The following ASPSCR1 variants were observed in gnomAD, a reference collection of about 807,000 sequenced individuals.
ASPSCR1 encodes tether containing UBX domain for GLUT4.
In ASPSCR1, 55 loss-of-function variants were observed where a neutral mutation model predicts 68.9. The ratio of observed to expected loss-of-function variants is 0.80; its 90% confidence interval spans 0.64 to 1.00. ASPSCR1 has a LOEUF of 1.00. Among genes scored for constraint, ASPSCR1 ranks in the 50% least tolerant of loss-of-function variants. The probability of loss-of-function intolerance (pLI) is 0.00; values close to 1 mark genes in which losing one functional copy is unlikely to be tolerated. For synonymous variants in ASPSCR1, 352 were observed against 332.6 expected (o/e 1.06, Z -0.63); for missense variants, 765 against 762.2 (o/e 1.00, Z -0.04).
intron 13 of ASPSCR1, 55 bp downstream of exon 13, chr17:82,016,582 C>T (rs559462459): frequency 1.9e-5 from 30 of 1,546,160 alleles, no homozygotes; most frequent in Admixed American, 3.9e-5. Context: ...GTCCCTGGAC[C>T]TCAGAGCCAG....
chr17:82,012,173 C>T lies in ASPSCR1; in HGVS notation c.1301-58C>T, dbSNP rs368905634. On this transcript the variant is annotated intron_variant, in intron 11 of 15. Coordinates refer to ENST00000306739, the MANE Select transcript of ASPSCR1 (RefSeq NM_024083.4). ...ATCTGCAGGCCTGTCTTCCTTCGGG[C>T]GCATGGATGGGCGAGGTCCACGGTG... is the stretch of plus-strand genomic sequence containing the variant. 1.0e-4 allele frequency: 163 copies of T among 1,562,686 alleles called. No homozygotes were observed. The African/African-American group carries it at 1.9e-3, about 18-fold the overall frequency.
intron 12 of ASPSCR1, chr17:82,015,093 G>C: frequency 6.3e-7 from 1 of 1,598,050 alleles, no homozygotes; most frequent in Non-Finnish European, 8.5e-7. Context: ...TGGTGACCGG[G>C]TGGCTCCATT....
rs2042452920 is a variant in ASPSCR1 at position 81,999,315 on chromosome 17, C to T, written c.933+2469C>T. On this transcript the variant is annotated intron_variant, in intron 7 of 15. Transcript: ENST00000306739. This position sits in a 1 kb window ranked among gnomAD's most constrained non-coding sequence, Gnocchi z 4.4. ...TGGAAGGCCCCCATGCCTCCATCTC[C>T]TGTGGACATTTAAAATATTTGTGTC... 6.6e-6 allele frequency among the ~76,000 whole-genome samples: 1 copy of T among 152,178 alleles called. No individual in the cohort carries two copies. The highest frequency in any genetic ancestry group is 1.5e-5 in the Non-Finnish European group (1 of 68,024).
At chr17:81,985,074 A>ACG (rs1491313707) in intron 3 of ASPSCR1, among the ~76,000 whole-genome samples, 1 of 134,246 alleles carries the variant, frequency 7.4e-6, no homozygotes, top group African/African-American at 2.9e-5. Flanking sequence ...ACACACCTGT[A>ACG]CACACACACC....
intron 7 of ASPSCR1, among the ~76,000 whole-genome samples, chr17:82,003,791 C>T (rs2042615108): frequency 6.6e-6 from 1 of 152,270 alleles, no homozygotes; most frequent in African/African-American, 2.4e-5. Flanking sequence ...GCCTCTCCTG[C>T]TGTGCACGTC....
At chr17:82,014,764 C>T (rs555649471) in intron 12 of ASPSCR1, 38 of 452,226 alleles carry the variant, frequency 8.4e-5, no homozygotes, top group Non-Finnish European at 1.4e-4. Flanking sequence ...TGACGTGGGC[C>T]TCCTTTCGGA....
chr17:81,985,730 C>A, intron 4 of ASPSCR1, 123 bp downstream of exon 4: 1 of 899,348 alleles, frequency 1.1e-6, no homozygotes, highest in Non-Finnish European at 1.7e-6. Context: ...CCTCTTGGCA[C>A]TTTGCAGTCC....
chr17:81,977,784 G>A lies in ASPSCR1; in HGVS notation c.102+36G>A. On this transcript the variant is annotated intron_variant, in intron 1 of 15. Coordinates refer to ENST00000306739, the MANE Select transcript of ASPSCR1 (RefSeq NM_024083.4). This position sits in a 1 kb window ranked among gnomAD's most constrained non-coding sequence, Gnocchi z 5.0. ...CCGCCCGGGGCGGACGGGTAGGCGG[G>A]CGGGGGGCGCTGCGCCGAGGCCCCG... The A allele has an allele frequency of 8.3e-7, 1 of 1,206,812 alleles. No individual in the cohort carries two copies. The highest frequency in any genetic ancestry group is 3.4e-5 in the East Asian group (1 of 29,582). The allele number at this position is 1,206,812 out of a possible 1,614,324, so 74.8% of individuals were successfully genotyped here.
At position 82,009,475 on chromosome 17, in the gene ASPSCR1, C is replaced by T. The variant is rs1040662689; in HGVS notation, c.1089-11C>T. 1.4e-5 allele frequency: 22 copies of T among 1,569,500 alleles called. No individual in the cohort carries two copies. Among genetic ancestry groups the T allele is most frequent in the East Asian group, 7.1e-5 (3 of 42,050 alleles). On this transcript the variant is annotated splice_polypyrimidine_tract_variant and intron_variant, in intron 8 of 15. Transcript: ENST00000306739. The stretch of plus-strand genomic sequence containing the variant: ...GACCAGAAGCCCTGTTCCTTCCCCT[C>T]CTCACCACAGGAAGCGCCTGGAAGA...
intron 11 of ASPSCR1, 113 bp from the exon 12 acceptor site, chr17:82,012,118 C>T (rs773629177): frequency 1.4e-5 from 17 of 1,258,722 alleles, no homozygotes; most frequent in Non-Finnish European, 1.9e-5. Flanking sequence ...TCGTGAGGGG[C>T]TCTTCTGCCC....
rs756986856 is a variant in ASPSCR1, at chr17:81,996,504, C to T, written c.591C>T (p.Ser197=). ...CGTCGGCTGGCCAGGCAGCCGCCAG[C>T]GCTCCACTTCCCTTGGAATCTGGGG... ...SSASAGQAAA[S]APLPLESGEL... is the part of the protein sequence containing the mutation. Residue 197 remains serine (S), a synonymous_variant, in exon 7 of 16, where the codon AGC becomes AGT. Transcript: ENST00000306739. The T allele has an allele frequency of 6.8e-6, 11 of 1,612,186 alleles. No homozygotes were observed. Among genetic ancestry groups the T allele is most frequent in the Admixed American group, 6.7e-5 (4 of 59,946 alleles).
intron 7 of ASPSCR1, chr17:82,004,736 T>A (rs1011761566): frequency 6.6e-6 from 1 of 152,344 alleles, no homozygotes; most frequent in Non-Finnish European, 1.5e-5. Flanking sequence ...GCATCACCCC[T>A]GTCCTCTGAG....
chr17:81,985,864 G>A (rs1280410095), intron 4 of ASPSCR1, among the ~76,000 whole-genome samples: 5 of 152,186 alleles, frequency 3.3e-5, no homozygotes, highest in Non-Finnish European at 7.3e-5. Context: ...TAGAAGAGCA[G>A]GAATGTGCTT....
Position 81,983,509 on chromosome 17 carries a change from G to GTCAGGCTCTGCAGGGCAGCAAGTGTGC in ASPSCR1, c.159-42_159-16dup, listed in dbSNP as rs1567954706. The GTCAGGCTCTGCAGGGCAGCAAGTGTGC allele has an allele frequency of 2.0e-6, 3 of 1,510,488 alleles. No homozygotes were observed. In the African/African-American group the frequency reaches 4.1e-5, roughly 21 times the overall value. 93.6% of individuals were successfully genotyped at this position (1,510,488 alleles called of 1,614,324 possible). A position where few individuals can be genotyped will look rare whatever the true frequency, so the allele number is the denominator to read the frequency against. Reference sequence around the variant, plus strand: ...TGGCGGGGCGTGGATGGCAGGGCGTGTCAGGCTCTGCAGGGCAGCAAGTGT... The same window carrying GTCAGGCTCTGCAGGGCAGCAAGTGTGC: ...TGGCGGGGCGTGGATGGCAGGGCGTGTCAGGCTCTGCAGGGCAGCAAGTGTGCTCAGGCTCTGCAGGGCAGCAAGTGT... On this transcript the variant is annotated intron_variant, in intron 2 of 15. Coordinates refer to ENST00000306739, the MANE Select transcript of ASPSCR1 (RefSeq NM_024083.4). This position sits in a 1 kb window ranked among gnomAD's most constrained non-coding sequence, Gnocchi z 4.4.
intron 13 of ASPSCR1, 41 bp from the exon 14 acceptor site, chr17:82,016,759 C>T (rs1316044856): frequency 6.3e-7 from 1 of 1,591,718 alleles, no homozygotes; most frequent in South Asian, 1.1e-5. Context: ...GTGAGTGGAC[C>T]CCTCCTCAGA....
intron 7 of ASPSCR1, chr17:82,006,941 C>G (rs1293952421): frequency 1.3e-5 from 2 of 152,286 alleles, no homozygotes; most frequent in South Asian, 2.1e-4. Flanking sequence ...GGCCCCTCTT[C>G]TCTGTGGGAC....
At chr17:81,996,383 C>T (rs775726879) in intron 6 of ASPSCR1, 37 bp from the exon 7 acceptor site, 9 of 1,542,794 alleles carry the variant, frequency 5.8e-6, no homozygotes, top group Middle Eastern at 3.7e-4. Context: ...GGGGTAGGCA[C>T]CACAAGGTGC....
intron 3 of ASPSCR1, among the ~76,000 whole-genome samples, chr17:81,985,168 A>G (rs1050045839): frequency 1.3e-5 from 2 of 148,340 alleles, no homozygotes; most frequent in Non-Finnish European, 3.0e-5. Flanking sequence ...GCACACCTGC[A>G]CACACCCACA....
intron 3 of ASPSCR1, among the ~76,000 whole-genome samples, 182 bp from the exon 4 acceptor site, chr17:81,985,325 G>C (rs1009828568): frequency 1.8e-4 from 28 of 152,176 alleles, no homozygotes; most frequent in African/African-American, 6.5e-4. Flanking sequence ...GCCCTGCCGG[G>C]GAGCCTCCAA....
Sources: allele counts gnomAD v4.1 joint callset (sites outside exome capture counted in the v4.1 genomes callset), GRCh38; gene constraint gnomAD v4.1.1; non-coding constraint Gnocchi (gnomAD v3.1); transcripts MANE v1.5; gene names NCBI Gene and HGNC (gene_info 2026-07-23, HGNC 2026-07-21).